Variants in RAB33A observed in about 807,000 individuals in gnomAD.
RAB33A encodes the protein ras-related protein Rab-33A.
Under a neutral mutation model 12.0 loss-of-function variants are expected in RAB33A, and 6 were observed. That is an observed-to-expected ratio of 0.50 (90% CI 0.27 to 0.99). The LOEUF is 0.99. RAB33A is among the 50% of genes least tolerant of loss of function. The pLI is 0.11. For synonymous variants in RAB33A, 70 were observed against 82.4 expected, an observed-to-expected ratio of 0.85 and a Z score of 0.81; for missense variants, 109 against 192.0, an observed-to-expected ratio of 0.57 and a Z score of 2.55.
At chrX:130,147,375 A>C in the RAB33A span, 2 of 896,810 alleles carry the variant, frequency 2.2e-6, no homozygotes, top group African/African-American at 2.0e-5. Context: ...ACCACAGTAG[A>C]CTCTAGTGGA....
chrX:130,173,736 G>C (rs2031636135), intron 1 of RAB33A, among the ~76,000 whole-genome samples: 1 of 112,064 alleles, frequency 8.9e-6, no homozygotes, highest in Admixed American at 9.5e-5. Flanking sequence ...ATCTGTCTCT[G>C]TCCTTTCCTG....
chrX:130,142,788 G>A, the RAB33A span, among the ~76,000 whole-genome samples: 1 of 111,027 alleles, frequency 9.0e-6, no homozygotes. Flanking sequence ...TGGGATTACA[G>A]GTGTGCGCCA....
the RAB33A span, among the ~76,000 whole-genome samples, chrX:130,150,624 C>T: frequency 4.7e-5 from 5 of 105,750 alleles, no homozygotes; most frequent in African/African-American, 1.4e-4. Flanking sequence ...CGTGAGCCAC[C>T]GCGCCCGGCC....
At chrX:130,170,189 A>G (rs2071292165), upstream of RAB33A, among the ~76,000 whole-genome samples, 1 of 112,716 alleles carries the variant, frequency 8.9e-6, no homozygotes, top group South Asian at 3.6e-4. Context: ...CAGCTAATAA[A>G]CTTATTAACT....
the RAB33A span, among the ~76,000 whole-genome samples, chrX:130,116,705 A>G: frequency 8.9e-6 from 1 of 112,728 alleles, no homozygotes; most frequent in African/African-American, 3.2e-5. Context: ...TTTTCTTCAC[A>G]GATGACGGTC....
chrX:130,147,416 C>G, the RAB33A span: 1 of 1,170,161 alleles, frequency 8.5e-7, no homozygotes, highest in Non-Finnish European at 1.2e-6. Context: ...TTACTGTACA[C>G]AGTCAGTGGC....
At chrX:130,129,826 T>C in the RAB33A span, 5 of 852,298 alleles carry the variant, frequency 5.9e-6, no homozygotes, top group Non-Finnish European at 6.9e-6. Context: ...AGAATGTTCC[T>C]GAGCCAAGGC....
At position 130,183,731 on chromosome X, in the gene RAB33A, CCA is replaced by C. The variant is rs756202376; in HGVS notation, c.259-553_259-552del. Among the ~76,000 whole-genome samples, 171 of 111,484 alleles carry C rather than the reference CCA, an allele frequency of 1.5e-3. 2 individuals carry two copies. Among genetic ancestry groups the C allele is most frequent in the Non-Finnish European group, 2.5e-3 (134 of 53,054 alleles). On this transcript the variant is annotated intron_variant, in intron 1 of 1. Transcript: ENST00000257017. ...TCCAGAAAAGTTGACCAATTTACAT[CCA>C]GTTTTTCAACTAAAAATCTTAAGAT...
At chrX:130,139,257 G>A in the RAB33A span, among the ~76,000 whole-genome samples, 75 of 110,069 alleles carry the variant, frequency 6.8e-4, no homozygotes, top group Non-Finnish European at 1.1e-3. Flanking sequence ...GCTTGAACCC[G>A]GGAGGCGGAG....
chrX:130,116,529 T>C, the RAB33A span, among the ~76,000 whole-genome samples: 4 of 111,573 alleles, frequency 3.6e-5, no homozygotes, highest in Non-Finnish European at 5.7e-5. Flanking sequence ...CCTGACCTCA[T>C]GACCCACCCA....
At chrX:130,153,988 T>A in the RAB33A span, among the ~76,000 whole-genome samples, 1 of 112,544 alleles carries the variant, frequency 8.9e-6, no homozygotes, top group Non-Finnish European at 1.9e-5. Context: ...ATAGTTCTCT[T>A]GAGACTAATA....
the RAB33A span, among the ~76,000 whole-genome samples, chrX:130,111,795 C>CTT: frequency 8.9e-6 from 1 of 112,382 alleles, no homozygotes; most frequent in East Asian, 2.8e-4. Flanking sequence ...GCACGCTCCC[C>CTT]TTCTATCTCC....
chrX:130,140,799 C>T, the RAB33A span, among the ~76,000 whole-genome samples: 20 of 112,456 alleles, frequency 1.8e-4, no homozygotes, highest in Admixed American at 1.9e-4. Context: ...CCATCACCAC[C>T]CCAAAACTCC....
At chrX:130,149,295 C>T in the RAB33A span, among the ~76,000 whole-genome samples, 2 of 111,947 alleles carry the variant, frequency 1.8e-5, no homozygotes, top group Non-Finnish European at 3.8e-5. Flanking sequence ...ACCCAAATTT[C>T]AGCCAAATGC....
At chrX:130,131,573 T>C in the RAB33A span, 4 of 1,088,568 alleles carry the variant, frequency 3.7e-6, no homozygotes, top group Admixed American at 2.2e-5. Context: ...AGAGAGGCTT[T>C]CACTGACAAG....
In RAB33A at chrX:130,171,968, GC is replaced by G; in HGVS notation, c.-94del. On this transcript the variant is annotated 5_prime_UTR_variant, in exon 1 of 2. Coordinates refer to ENST00000257017, the MANE Select transcript of RAB33A (RefSeq NM_004794.3). Reference sequence around the variant, plus strand: ...CACACACACGCGCGCACACACACACGCACAGAGCTCGCTCGCCTCGAGCGCA... The same window carrying G: ...CACACACACGCGCGCACACACACACGACAGAGCTCGCTCGCCTCGAGCGCA... 1.0e-6 allele frequency: 1 copy of G among 991,899 alleles called. No homozygotes were observed. The highest frequency in any genetic ancestry group is 1.3e-6 in the Non-Finnish European group (1 of 749,357). The allele number at this position is 991,899 out of a possible 1,213,427, so 81.7% of individuals were successfully genotyped here.
At chrX:130,115,645 AAAAG>A in the RAB33A span, among the ~76,000 whole-genome samples, 18 of 100,390 alleles carry the variant, frequency 1.8e-4, no homozygotes, top group Admixed American at 3.3e-4. Flanking sequence ...GAAACTGCCA[AAAAG>A]AAAGAAAGAG....
At chrX:130,151,380 C>T in the RAB33A span, among the ~76,000 whole-genome samples, 2 of 110,992 alleles carry the variant, frequency 1.8e-5, no homozygotes, top group Admixed American at 1.9e-4. Flanking sequence ...ACCTTGTGAT[C>T]CACCCACCTT....
At chrX:130,163,095 G>A in the RAB33A span, among the ~76,000 whole-genome samples, 4 of 110,845 alleles carry the variant, frequency 3.6e-5, no homozygotes, top group East Asian at 1.1e-3. Context: ...TGGATCACAA[G>A]GTCAGGAGTT....
Sources: gnomAD v4.1 joint callset for allele counts (sites outside exome capture counted in the v4.1 genomes callset) on GRCh38, gnomAD v4.1.1 for gene constraint, MANE v1.5 for transcripts, NCBI Gene and HGNC (gene_info 2026-07-23, HGNC 2026-07-21) for gene names.